Variants in DISC1 observed in about 807,000 individuals in gnomAD.
The protein encoded by DISC1 is DISC1 scaffold protein.
DISC1 carries 57 observed loss-of-function variants against 84.5 expected under a neutral mutation model. The ratio of observed to expected loss-of-function variants is 0.67; its 90% CI spans 0.55 to 0.84. The LOEUF is 0.84. Ranked by LOEUF, DISC1 falls within the 40% of genes least tolerant of loss-of-function variation. DISC1 has a pLI of 0.00. For missense variants in DISC1, 1,000 were observed against 1,057.8 expected (o/e 0.95, Z 0.76); for synonymous variants, 411 against 415.2 (o/e 0.99, Z 0.12).
chr1:231,770,158 C>T (rs527627136), intron 5 of DISC1, among the ~76,000 whole-genome samples: 37 of 152,198 alleles, frequency 2.4e-4, no homozygotes, highest in Admixed American at 2.0e-3. Flanking sequence ...GGCAGTGAGA[C>T]GATGATCTAC....
Position 231,667,322 on chromosome 1 carries a change from C to A in DISC1, c.68-26504C>A, listed in dbSNP as rs114057295. Among the ~76,000 whole-genome samples, 389 of 152,318 alleles carry A rather than the reference C, an allele frequency of 2.6e-3. 3 individuals are homozygous for A. The highest frequency in any genetic ancestry group is 8.9e-3 in the African/African-American group (371 of 41,566). On this transcript the variant is annotated intron_variant, in intron 1 of 12. Coordinates refer to ENST00000439617, the MANE Select transcript of DISC1 (RefSeq NM_018662.3). Reference sequence around the variant, plus strand: ...TGTCTGACTTCATTGGAGTTTACTTCTTTTTAAATTGCAGACTCAGGGCTT... The same window carrying A: ...TGTCTGACTTCATTGGAGTTTACTTATTTTTAAATTGCAGACTCAGGGCTT...
chr1:231,836,602 GTCATTCTCC>G, intron 9 of DISC1, among the ~76,000 whole-genome samples: 3 of 152,298 alleles, frequency 2.0e-5, no homozygotes, highest in Middle Eastern at 6.8e-3. Flanking sequence ...GCTGTTGGGA[GTCATTCTCC>G]CTCCAGCCCG....
intron 6 of DISC1, among the ~76,000 whole-genome samples, chr1:231,784,599 A>C (rs1242710675): frequency 6.6e-6 from 1 of 152,200 alleles, no homozygotes; most frequent in Non-Finnish European, 1.5e-5. Flanking sequence ...ATTACTCTAA[A>C]ATATTTTCTT....
intron 6 of DISC1, among the ~76,000 whole-genome samples, chr1:231,790,628 C>T (rs1294122100): frequency 1.3e-5 from 2 of 152,014 alleles, no homozygotes; most frequent in African/African-American, 2.4e-5. Flanking sequence ...ACGCCATTCT[C>T]CTGCCTCAGC....
intron 6 of DISC1, among the ~76,000 whole-genome samples, chr1:231,794,635 G>A (rs1001555548): frequency 1.6e-4 from 24 of 152,250 alleles, no homozygotes; most frequent in South Asian, 1.0e-3. Flanking sequence ...ACAGACAGTC[G>A]CTGCCTTCAT....
intron 9 of DISC1, among the ~76,000 whole-genome samples, chr1:231,886,775 CTTTCTTTCTTTCTTTCTT>C (rs1558692039): frequency 2.9e-5 from 2 of 68,470 alleles, no homozygotes; most frequent in African/African-American, 1.0e-4. Context: ...TCCTTTCTTT[CTTTCTTTCTTTCTTTCTT>C]TCTTTCTTTC....
chr1:232,001,647 T>A (rs1485585666), intron 10 of DISC1, among the ~76,000 whole-genome samples: 18 of 152,174 alleles, frequency 1.2e-4, no homozygotes, highest in Admixed American at 1.2e-3. Flanking sequence ...AACAATAGAA[T>A]TTTTAACAAA....
At chr1:231,707,098 C>T (rs1324986632) in intron 3 of DISC1, among the ~76,000 whole-genome samples, 3 of 152,138 alleles carry the variant, frequency 2.0e-5, no homozygotes, top group South Asian at 2.1e-4. Flanking sequence ...TGAATAGAAT[C>T]GGCCATTCTT....
intron 3 of DISC1, among the ~76,000 whole-genome samples, chr1:231,704,111 TGA>T (rs1190102689): frequency 1.3e-5 from 2 of 152,176 alleles, no homozygotes; most frequent in Non-Finnish European, 2.9e-5. Flanking sequence ...TTCAGTGTGT[TGA>T]GAGGTAAATG....
chr1:231,848,414 T>C (rs529864519), intron 9 of DISC1, among the ~76,000 whole-genome samples: 2 of 152,210 alleles, frequency 1.3e-5, no homozygotes, highest in South Asian at 4.2e-4. Flanking sequence ...TTGAAGTTCC[T>C]CTAGGGTGGT....
chr1:231,810,431 C>T (rs1244940447), intron 8 of DISC1, among the ~76,000 whole-genome samples: 1 of 152,156 alleles, frequency 6.6e-6, no homozygotes, highest in African/African-American at 2.4e-5. Flanking sequence ...TCAGTGGCTG[C>T]AGGAGGGAGA....
intron 10 of DISC1, among the ~76,000 whole-genome samples, chr1:231,977,300 G>C (rs1662948672): frequency 6.6e-6 from 1 of 152,164 alleles, no homozygotes. Context: ...GTGGAAACCA[G>C]AAATCCATAA....
At chr1:231,795,177 C>G (rs1254448071) in intron 6 of DISC1, 65 bp from the exon 7 acceptor site, 6 of 1,497,626 alleles carry the variant, frequency 4.0e-6, no homozygotes, top group Middle Eastern at 1.7e-4. Flanking sequence ...TGCAGTGTTC[C>G]TAACTGTAGT....
Position 232,041,159 on chromosome 1 carries a change from AG to A in DISC1, c.*4329del, listed in dbSNP as rs1164948783. On this transcript the variant is annotated 3_prime_UTR_variant, in exon 13 of 13. Coordinates refer to ENST00000439617, the MANE Select transcript of DISC1 (RefSeq NM_018662.3). ...ATCTTGATGATTTTTTGTCCTTTGA[AG>A]TATGGATGATAGAAAAATGTATCAG... 2 of 152,200 alleles carry A rather than the reference AG, an allele frequency of 1.3e-5. No homozygotes were observed. The highest frequency in any genetic ancestry group is 2.9e-5 in the Non-Finnish European group (2 of 68,040). 9.4% of individuals were successfully genotyped at this position (152,200 alleles called of 1,614,324 possible).
intron 3 of DISC1, among the ~76,000 whole-genome samples, chr1:231,717,045 C>T (rs2068839800): frequency 6.6e-6 from 1 of 152,122 alleles, no homozygotes; most frequent in South Asian, 2.1e-4. Context: ...ATTTAGCAAG[C>T]TCTGCAGTTT....
intron 9 of DISC1, among the ~76,000 whole-genome samples, chr1:231,948,323 G>A (rs373890208): frequency 2.6e-5 from 4 of 152,222 alleles, no homozygotes; most frequent in Admixed American, 6.5e-5. Flanking sequence ...GATGAAGCTC[G>A]AAACCACCAT....
intron 12 of DISC1, among the ~76,000 whole-genome samples, chr1:232,034,762 T>C (rs1193724183): frequency 6.6e-6 from 1 of 152,202 alleles, no homozygotes; most frequent in Non-Finnish European, 1.5e-5. Flanking sequence ...TTCACAGATG[T>C]GGCATGACTT....
chr1:231,931,169 G>C (rs560802270), intron 9 of DISC1, among the ~76,000 whole-genome samples: 1 of 152,098 alleles, frequency 6.6e-6, no homozygotes, highest in Non-Finnish European at 1.5e-5. Flanking sequence ...TGACCAGAGG[G>C]GAGCAGGACC....
chr1:231,900,434 G>T (rs992423458), intron 9 of DISC1, among the ~76,000 whole-genome samples: 4 of 152,202 alleles, frequency 2.6e-5, no homozygotes, highest in Non-Finnish European at 5.9e-5. Context: ...GGCCTACGTG[G>T]TTCACTAGTA....
Sources: allele counts gnomAD v4.1 joint callset (sites outside exome capture counted in the v4.1 genomes callset), GRCh38; gene constraint gnomAD v4.1.1; transcripts MANE v1.5; gene names NCBI Gene and HGNC (gene_info 2026-07-23, HGNC 2026-07-21).